The following B4GALNT4 variants were observed in gnomAD, a reference collection of about 807,000 sequenced individuals.
B4GALNT4 encodes the protein beta-1,4-N-acetyl-galactosaminyltransferase 4.
B4GALNT4 carries 77 observed loss-of-function variants against 110.0 expected under a neutral mutation model. The observed-to-expected ratio is 0.70, with a 90% CI of 0.58 to 0.85. B4GALNT4 has a LOEUF of 0.85. B4GALNT4 is among the 40% of genes least tolerant of loss of function. The probability of loss-of-function intolerance (pLI) is 0.00; values close to 1 mark genes in which losing one functional copy is unlikely to be tolerated. For missense variants in B4GALNT4, 1,575 were observed against 1,506.0 expected (o/e 1.05, Z -0.76); for synonymous variants, 785 against 655.5 (o/e 1.20, Z -3.02).
At chr11:371,121 C>T (rs995237979) in intron 1 of B4GALNT4, among the ~76,000 whole-genome samples, 2 of 152,138 alleles carry the variant, frequency 1.3e-5, no homozygotes, top group African/African-American at 2.4e-5. Flanking sequence ...CAGGAGGGGG[C>T]GGAGGCATAG....
rs760491551 is a variant in B4GALNT4, at chr11:372,100, C to T, written c.152-9C>T. The T allele has an allele frequency of 1.3e-6, 2 of 1,547,978 alleles. No homozygotes were observed. Among genetic ancestry groups the T allele is most frequent in the South Asian group, 2.4e-5 (2 of 83,948 alleles). On this transcript the variant is annotated splice_polypyrimidine_tract_variant and intron_variant, in intron 1 of 19. Transcript: ENST00000329962. ...TGGGCCCGAGACAGGCCTCATGTGCCACCTGCAGATGGTGAGAAGCTGACC... is the reference window on the plus strand; with the variant it reads ...TGGGCCCGAGACAGGCCTCATGTGCTACCTGCAGATGGTGAGAAGCTGACC...
rs1054388729 is a variant in B4GALNT4, at chr11:373,458, G to C, written c.646G>C (p.Glu216Gln). The change falls in exon 7 of 20, where the codon GAG (glutamate) becomes CAG (glutamine). Residue 216 changes from glutamate to glutamine, a missense_variant. Physicochemically the swap from Glu to Gln is conservative, Grantham distance 29 (BLOSUM62 2). Transcript: ENST00000329962. ...LVAFVGKTGS[E>Q]WTAPGEFTKF... ...CTCTATCACCCCCCAGACTGGCTCCGAGTGGACAGCGCCTGGAGAATTCAC... is the reference window on the plus strand; with the variant it reads ...CTCTATCACCCCCCAGACTGGCTCCCAGTGGACAGCGCCTGGAGAATTCAC... 1 of 1,590,136 alleles carries C rather than the reference G, an allele frequency of 6.3e-7. No individual in the cohort carries two copies. Among genetic ancestry groups the C allele is most frequent in the Admixed American group, 1.7e-5 (1 of 58,710 alleles).
chr11:375,353 T>G (rs1846721160), intron 8 of B4GALNT4, 108 bp from the exon 9 acceptor site: 2 of 1,148,668 alleles, frequency 1.7e-6, no homozygotes, highest in Admixed American at 1.7e-5. Flanking sequence ...CCTGCATCCT[T>G]TAAGGGATTG....
chr11:376,575 C>G lies in B4GALNT4; in HGVS notation c.1452C>G (p.Asp484Glu). The change falls in exon 14 of 20, where the codon GAC becomes GAG. Residue 484 changes from aspartate (D) to glutamate (E), a missense_variant. Asp to Glu is a conservative substitution (Grantham distance 45, BLOSUM62 2). Coordinates refer to ENST00000329962, the MANE Select transcript of B4GALNT4 (RefSeq NM_178537.5). ...CGCCGACCCCTCCCCGCCCCCGGGACGGGGGGACCCCCAGGCACTCCCGGG... is the reference window on the plus strand; with the variant it reads ...CGCCGACCCCTCCCCGCCCCCGGGAGGGGGGGACCCCCAGGCACTCCCGGG... ...LAPPTPPRPR[D>E]GGTPRHSRAL... 3.0e-6 allele frequency: 4 copies of G among 1,352,350 alleles called. No individual in the cohort carries two copies. The highest frequency in any genetic ancestry group is 1.7e-5 in the South Asian group (1 of 58,578). The allele number at this position is 1,352,350 out of a possible 1,614,324, so 83.8% of individuals were successfully genotyped here.
chr11:372,702 C>T lies in B4GALNT4; in HGVS notation c.296C>T (p.Ala99Val), dbSNP rs778861629. Residue 99 changes from alanine (A) to valine (V), a missense_variant, in exon 3 of 20, where the codon GCT (alanine) becomes GTT (valine). By Grantham distance (64) the Ala-to-Val change is moderately conservative (BLOSUM62 0). Transcript: ENST00000329962. ...CTAGACATGCTGTTTCCTGGGGGGG[C>T]TGGGAGGCTGCCACTGAACTTCACC... ...RDLDMLFPGG[A>V]GRLPLNFTHQ... 1.2e-6 allele frequency: 2 copies of T among 1,610,196 alleles called. No homozygotes were observed. Among genetic ancestry groups the T allele is most frequent in the South Asian group, 1.1e-5 (1 of 90,842 alleles).
Position 376,727 on chromosome 11 carries a change from GGGCATCCCCCCGGGCCCCAGC to G in B4GALNT4, c.1606_1626del (p.Ala536_Ala542del). The G allele has an allele frequency of 7.1e-7, 1 of 1,403,978 alleles. No individual in the cohort carries two copies. The allele number at this position is 1,403,978 out of a possible 1,614,324, so 87.0% of individuals were successfully genotyped here. A position where few individuals can be genotyped will look rare whatever the true frequency, so the allele number is the denominator to read the frequency against. ...GTGACCAGGGTGCGGCCGGGACAGC[GGGCATCCCCCCGGGCCCCAGC>G]GCCGCGTGCGCCCTGGCCGCCCTTC... On this transcript the variant is annotated inframe_deletion, in exon 14 of 20. Coordinates refer to ENST00000329962, the MANE Select transcript of B4GALNT4 (RefSeq NM_178537.5).
Position 376,235 on chromosome 11 carries a change from C to CCGAGT in B4GALNT4, c.1197-15_1197-14insGAGTC. On this transcript the variant is annotated splice_polypyrimidine_tract_variant and intron_variant, in intron 12 of 19. Coordinates refer to ENST00000329962, the MANE Select transcript of B4GALNT4 (RefSeq NM_178537.5). ...GGCGGGGCGGGACTCGGCTCTGATG[C>CCGAGT]CCCGCCGCGCCCCAGGTTTGGGTTC... is the stretch of plus-strand genomic sequence containing the variant. 6.2e-7 allele frequency: 1 copy of CCGAGT among 1,603,798 alleles called. No homozygotes were observed. The highest frequency in any genetic ancestry group is 8.5e-7 in the Non-Finnish European group (1 of 1,174,570).
Position 377,280 on chromosome 11 carries a change from G to A in B4GALNT4, c.2157G>A (p.Val719=), listed in dbSNP as rs1403754106. Residue 719 remains valine (V), a synonymous_variant, in exon 14 of 20, where the codon GTG becomes GTA. Coordinates refer to ENST00000329962, the MANE Select transcript of B4GALNT4 (RefSeq NM_178537.5). ...GNLQLPEAEA[V]DVTAQYMERL... ...TGCAGCTGCCGGAGGCGGAGGCCGTGGACGTGACCGCTCAGTACATGGAGC... is the reference window on the plus strand; with the variant it reads ...TGCAGCTGCCGGAGGCGGAGGCCGTAGACGTGACCGCTCAGTACATGGAGC... 6.3e-7 allele frequency: 1 copy of A among 1,591,030 alleles called. No homozygotes were observed. The highest frequency in any genetic ancestry group is 2.3e-5 in the East Asian group (1 of 43,762).
rs201074043 is a variant in B4GALNT4 at position 373,802 on chromosome 11, C to A, written c.757C>A (p.Arg253Ser). 5 of 1,612,134 alleles carry A rather than the reference C, an allele frequency of 3.1e-6. No individual in the cohort carries two copies. The highest frequency in any genetic ancestry group is 4.2e-6 in the Non-Finnish European group (5 of 1,179,846). The stretch of plus-strand genomic sequence containing the variant: ...TGAGTTGCTGCACAAGCAGGACGAC[C>A]GCGGCTCGGACCACGTGGAAGTGGG... ...YFELLHKQDD[R>S]GSDHVEVGWR... is the part of the protein sequence containing the mutation. The change falls in exon 8 of 20, where the codon CGC becomes AGC. Residue 253 changes from arginine to serine, a missense_variant. Transcript: ENST00000329962.
chr11:372,985 C>T (rs1564868109), intron 4 of B4GALNT4, 38 bp downstream of exon 4: 1 of 1,612,092 alleles, frequency 6.2e-7, no homozygotes, highest in Admixed American at 1.7e-5. Context: ...GTGGGCAGGG[C>T]ACGCAGGGGG....
Position 372,103 on chromosome 11 carries a change from C to G in B4GALNT4, c.152-6C>G. On this transcript the variant is annotated splice_polypyrimidine_tract_variant and splice_region_variant and intron_variant, in intron 1 of 19. Transcript: ENST00000329962. ...GCCCGAGACAGGCCTCATGTGCCAC[C>G]TGCAGATGGTGAGAAGCTGACCAGT... 1.3e-6 allele frequency: 2 copies of G among 1,548,578 alleles called. No individual in the cohort carries two copies. The highest frequency in any genetic ancestry group is 1.7e-6 in the Non-Finnish European group (2 of 1,146,410).
Position 375,902 on chromosome 11 carries a change from C to A in B4GALNT4, c.1041C>A (p.Ala347=). 1 of 1,611,992 alleles carries A rather than the reference C, an allele frequency of 6.2e-7. No homozygotes were observed. The highest frequency in any genetic ancestry group is 1.7e-5 in the Admixed American group (1 of 59,964). Residue 347 remains alanine (A), a synonymous_variant, in exon 11 of 20, where the codon GCC becomes GCA. Coordinates refer to ENST00000329962, the MANE Select transcript of B4GALNT4 (RefSeq NM_178537.5). ...LENVLEPCAY[A]PTYVVKDFPI... ...ACGTGCTGGAGCCCTGCGCCTACGC[C>A]CCCACCTACGTGGTCAAGGACTTCC... is the stretch of plus-strand genomic sequence containing the variant.
At chr11:372,442 G>C (rs1441318566) in intron 2 of B4GALNT4, among the ~76,000 whole-genome samples, 1 of 152,098 alleles carries the variant, frequency 6.6e-6, no homozygotes, top group African/African-American at 2.4e-5. Context: ...CGGCCGGTCA[G>C]TGTGTGGGGT....
intron 14 of B4GALNT4, among the ~76,000 whole-genome samples, chr11:378,033 G>A (rs1045816189): frequency 6.6e-6 from 1 of 152,166 alleles, no homozygotes; most frequent in East Asian, 1.9e-4. Context: ...GAGGATGGAG[G>A]CAGAACCGGG....
chr11:376,557 C>G lies in B4GALNT4; in HGVS notation c.1434C>G (p.Thr478=). 7.3e-7 allele frequency: 1 copy of G among 1,361,222 alleles called. No homozygotes were observed. Among genetic ancestry groups the G allele is most frequent in the Non-Finnish European group, 9.4e-7 (1 of 1,066,198 alleles). 84.3% of individuals were successfully genotyped at this position (1,361,222 alleles called of 1,614,324 possible). ...AQPGATLAPP[T]PPRPRDGGTP... ...CCGGAGCCACCCTCGCCCCGCCGACCCCTCCCCGCCCCCGGGACGGGGGGA... is the reference window on the plus strand; with the variant it reads ...CCGGAGCCACCCTCGCCCCGCCGACGCCTCCCCGCCCCCGGGACGGGGGGA... Residue 478 remains threonine (T), a synonymous_variant, in exon 14 of 20, where the codon ACC becomes ACG. Transcript: ENST00000329962.
In B4GALNT4 at chr11:375,496, C is replaced by T. The variant is rs150333376; in HGVS notation, c.819C>T (p.Val273=). Residue 273 remains valine (V), a synonymous_variant, in exon 9 of 20, where the codon GTC becomes GTT. Coordinates refer to ENST00000329962, the MANE Select transcript of B4GALNT4 (RefSeq NM_178537.5). Reference sequence around the variant, plus strand: ...TCCTGCCCGGCCTGAAGTTCGAGGTCATCAGCTCTGCTCACATCTCCCTGT... The same window carrying T: ...TCCTGCCCGGCCTGAAGTTCGAGGTTATCAGCTCTGCTCACATCTCCCTGT... ...RAFLPGLKFE[V]ISSAHISLYT... is the part of the protein sequence containing the mutation. 1,372 of 1,611,754 alleles carry T rather than the reference C, an allele frequency of 8.5e-4. 9 individuals are homozygous for T. The African/African-American group carries it at 0.015, about 18-fold the overall frequency.
At position 376,691 on chromosome 11, in the gene B4GALNT4, C is replaced by T; in HGVS notation, c.1568C>T (p.Pro523Leu). Residue 523 changes from proline (P) to leucine (L), a missense_variant, in exon 14 of 20, where the codon CCA (proline) becomes CTA (leucine). Coordinates refer to ENST00000329962, the MANE Select transcript of B4GALNT4 (RefSeq NM_178537.5). ...PPRPAVEQPP[P>L]KVYVTRVRPG... is the part of the protein sequence containing the mutation. ...CGCCCTGCAGTGGAGCAGCCGCCCCCAAAGGTGTACGTGACCAGGGTGCGG... is the reference window on the plus strand; with the variant it reads ...CGCCCTGCAGTGGAGCAGCCGCCCCTAAAGGTGTACGTGACCAGGGTGCGG... 1 of 1,426,592 alleles carries T rather than the reference C, an allele frequency of 7.0e-7. No individual in the cohort carries two copies. Among genetic ancestry groups the T allele is most frequent in the East Asian group, 3.2e-5 (1 of 31,496 alleles). 88.4% of individuals were successfully genotyped at this position (1,426,592 alleles called of 1,614,324 possible).
chr11:376,974 C>T lies in B4GALNT4; in HGVS notation c.1851C>T (p.Asn617=). ...CTGCGGCGCCCACAGTGGACTCAAA[C>T]TTGTCCTCCGAAGCGCGGCCCGTGA... The part of the protein sequence containing the change: ...LGPAAPTVDS[N]LSSEARPVTS... The change falls in exon 14 of 20, where the codon AAC becomes AAT. Residue 617 remains asparagine, a synonymous_variant. Transcript: ENST00000329962. 2.1e-6 allele frequency: 3 copies of T among 1,459,146 alleles called. No individual in the cohort carries two copies. Among genetic ancestry groups the T allele is most frequent in the African/African-American group, 1.5e-5 (1 of 66,610 alleles). The allele number at this position is 1,459,146 out of a possible 1,614,324, so 90.4% of individuals were successfully genotyped here.
In B4GALNT4 at chr11:369,958, C is replaced by CGGCGCGGGG. The variant is rs1166022338; in HGVS notation, c.151+27_151+35dup. ...CAGCGCCTGGGCTACGGGCGAGGTA[C>CGGCGCGGGG]GGCGCGGGGGGCGCGGGGGGCGCGG... On this transcript the variant is annotated splice_donor_region_variant and intron_variant, in intron 1 of 19. Transcript: ENST00000329962. The CGGCGCGGGG allele has an allele frequency of 6.4e-4, 459 of 720,338 alleles. 10 individuals carry two copies. In the African/African-American group the frequency reaches 9.6e-3, roughly 15 times the overall value. 44.6% of individuals were successfully genotyped at this position (720,338 alleles called of 1,614,324 possible). A position where few individuals can be genotyped will look rare whatever the true frequency, so the allele number is the denominator to read the frequency against.
Sources: gnomAD v4.1 joint callset for allele counts (sites outside exome capture counted in the v4.1 genomes callset) on GRCh38, gnomAD v4.1.1 for gene constraint, MANE v1.5 for transcripts, NCBI Gene and HGNC (gene_info 2026-07-23, HGNC 2026-07-21) for gene names.